The following STMN2 variants were observed in gnomAD, a reference collection of about 807,000 sequenced individuals.
STMN2 encodes the protein stathmin 2.
STMN2 carries 2 observed loss-of-function variants against 24.1 expected under a neutral mutation model. That is an observed-to-expected ratio of 0.08 (90% CI 0.03 to 0.26). STMN2 has a LOEUF of 0.26. Among genes scored for constraint, STMN2 ranks in the 10% least tolerant of loss-of-function variants. The probability of loss-of-function intolerance (pLI) is 1.00; values close to 1 mark genes in which losing one functional copy is unlikely to be tolerated. For missense variants in STMN2, 114 were observed against 213.6 expected, an observed-to-expected ratio of 0.53 and a Z score of 2.91; for synonymous variants, 83 against 77.5, an observed-to-expected ratio of 1.07 and a Z score of -0.37.
At chr8:79,636,240 A>G (rs1425642530) in intron 1 of STMN2, among the ~76,000 whole-genome samples, 1 of 152,172 alleles carries the variant, frequency 6.6e-6, no homozygotes, top group African/African-American at 2.4e-5. Flanking sequence ...AGAAAAAAGA[A>G]AAGATGGACA....
chr8:79,619,611 G>A (rs1439876215), intron 1 of STMN2, among the ~76,000 whole-genome samples: 3 of 152,046 alleles, frequency 2.0e-5, no homozygotes, highest in South Asian at 2.1e-4. Context: ...ATCATCTCAG[G>A]CACTTTTAGG....
intron 1 of STMN2, among the ~76,000 whole-genome samples, chr8:79,624,466 AAAAAAAAAAAAAG>A (rs1438646928): frequency 6.7e-6 from 1 of 150,114 alleles, no homozygotes; most frequent in Non-Finnish European, 1.5e-5. Flanking sequence ...AAAAAAAAAA[AAAAAAAAAAAAAG>A]AAAGAAAGAA....
chr8:79,641,651 C>CACAT (rs1190804842), intron 3 of STMN2, 101 bp downstream of exon 3: 8 of 781,162 alleles, frequency 1.0e-5, no homozygotes, highest in Non-Finnish European at 1.6e-5. Flanking sequence ...CACACACACA[C>CACAT]ACACACACAC....
In STMN2 at chr8:79,613,428, T is replaced by C. The variant is rs969383419; in HGVS notation, c.19+2214T>C. 6.1e-6 allele frequency: 6 copies of C among 985,214 alleles called. No individual in the cohort carries two copies. The African/African-American group carries it at 1.0e-4, about 17-fold the overall frequency. The allele number at this position is 985,214 out of a possible 1,614,324, so 61.0% of individuals were successfully genotyped here. A position where few individuals can be genotyped will look rare whatever the true frequency, so the allele number is the denominator to read the frequency against. On this transcript the variant is annotated intron_variant, in intron 1 of 4. Coordinates refer to ENST00000220876, the MANE Select transcript of STMN2 (RefSeq NM_007029.4). Reference sequence around the variant, plus strand: ...CCCGCGGTGCAGCCGGGGAGACCGGTTTCTGCGCAGTGTCCTGAGCTACCC... The same window carrying C: ...CCCGCGGTGCAGCCGGGGAGACCGGCTTCTGCGCAGTGTCCTGAGCTACCC...
At chr8:79,616,817 T>G (rs1249430782) in intron 1 of STMN2, among the ~76,000 whole-genome samples, 1 of 152,190 alleles carries the variant, frequency 6.6e-6, no homozygotes, top group Non-Finnish European at 1.5e-5. Flanking sequence ...ATATTCATAT[T>G]GCAGGACTCG....
chr8:79,619,128 ATTC>A (rs1280031094), intron 1 of STMN2, among the ~76,000 whole-genome samples: 1 of 151,986 alleles, frequency 6.6e-6, no homozygotes. Flanking sequence ...TTTAGCAGTT[ATTC>A]TTCTGGAATA....
chr8:79,624,002 T>C (rs73254015), intron 1 of STMN2, among the ~76,000 whole-genome samples: 17 of 152,304 alleles, frequency 1.1e-4, no homozygotes, highest in African/African-American at 4.1e-4. Flanking sequence ...GTTTTTCTAA[T>C]TTCAGGAACA....
chr8:79,648,479 C>T (rs1232362377), intron 3 of STMN2, among the ~76,000 whole-genome samples: 3 of 85,350 alleles, frequency 3.5e-5, no homozygotes, highest in Non-Finnish European at 6.6e-5. Context: ...TTTTTTGAGA[C>T]GGAGTCTCGC....
intron 3 of STMN2, 75 bp downstream of exon 3, chr8:79,641,625 C>G (rs1334192781): frequency 1.7e-5 from 13 of 745,854 alleles, no homozygotes; most frequent in Non-Finnish European, 2.7e-5. Context: ...GGCACACATG[C>G]ACGCACACAC....
At chr8:79,619,690 C>G (rs912621581) in intron 1 of STMN2, among the ~76,000 whole-genome samples, 3 of 152,084 alleles carry the variant, frequency 2.0e-5, no homozygotes, top group African/African-American at 4.8e-5. Context: ...TGCAGAGTTA[C>G]TTTTTATTTC....
chr8:79,632,510 C>G (rs76657520), intron 1 of STMN2, among the ~76,000 whole-genome samples: 6,725 of 152,220 alleles, frequency 0.044, 288 homozygotes, highest in East Asian at 0.23. Context: ...TGGGCCTCGT[C>G]AGCAGAGCCG....
chr8:79,629,271 T>A (rs958581407), intron 1 of STMN2, among the ~76,000 whole-genome samples: 1 of 152,162 alleles, frequency 6.6e-6, no homozygotes, highest in Admixed American at 6.5e-5. Context: ...ATACAGTATA[T>A]TTTATATTTT....
intron 4 of STMN2, among the ~76,000 whole-genome samples, chr8:79,658,874 G>T (rs1190999111): frequency 2.6e-5 from 4 of 152,208 alleles, no homozygotes; most frequent in Admixed American, 6.5e-5. Flanking sequence ...AGCAGCCCTG[G>T]CTGCACTTCG....
At chr8:79,663,721 C>T in intron 4 of STMN2, 1 of 1,301,540 alleles carries the variant, frequency 7.7e-7, no homozygotes. Flanking sequence ...CTTAAAATTT[C>T]AATTCAATGA....
At chr8:79,618,143 A>G (rs144985009) in intron 1 of STMN2, among the ~76,000 whole-genome samples, 11 of 152,364 alleles carry the variant, frequency 7.2e-5, no homozygotes, top group African/African-American at 2.4e-4. Flanking sequence ...TAAACAGACC[A>G]GAGATGGTCT....
chr8:79,641,002 T>C (rs2029820), intron 2 of STMN2, among the ~76,000 whole-genome samples: 52,935 of 152,084 alleles, frequency 0.35, 9,357 homozygotes, highest in South Asian at 0.41. Context: ...GCTACGATAA[T>C]TTCCAAACAA....
In STMN2 at chr8:79,613,389, G is replaced by T. The variant is rs571057188; in HGVS notation, c.19+2175G>T. 58 of 985,432 alleles carry T rather than the reference G, an allele frequency of 5.9e-5. 2 individuals are homozygous for T. The South Asian group carries it at 2.3e-3, about 39-fold the overall frequency. 61.0% of individuals were successfully genotyped at this position (985,432 alleles called of 1,614,324 possible). A position where few individuals can be genotyped will look rare whatever the true frequency, so the allele number is the denominator to read the frequency against. On this transcript the variant is annotated intron_variant, in intron 1 of 4. Coordinates refer to ENST00000220876, the MANE Select transcript of STMN2 (RefSeq NM_007029.4). Reference sequence around the variant, plus strand: ...CGCGCCCTGCGCTCCCCTCCCCGGAGTTGGGCGCTCGCCCCCGCGGTGCAG... The same window carrying T: ...CGCGCCCTGCGCTCCCCTCCCCGGATTTGGGCGCTCGCCCCCGCGGTGCAG...
At position 79,613,626 on chromosome 8, in the gene STMN2, A is replaced by G. The variant is rs1676172964; in HGVS notation, c.19+2412A>G. The stretch of plus-strand genomic sequence containing the variant: ...ATTATCATTTCAAATCGTTGTTATT[A>G]TTTAATGATTCAGTAGCCTTGTTTG... On this transcript the variant is annotated intron_variant, in intron 1 of 4. Coordinates refer to ENST00000220876, the MANE Select transcript of STMN2 (RefSeq NM_007029.4). 3 of 985,458 alleles carry G rather than the reference A, an allele frequency of 3.0e-6. No individual in the cohort carries two copies. In the South Asian group the frequency reaches 1.4e-4, roughly 46 times the overall value. The allele number at this position is 985,458 out of a possible 1,614,324, so 61.0% of individuals were successfully genotyped here.
At chr8:79,612,931 AC>A (rs1242116759) in intron 1 of STMN2, among the ~76,000 whole-genome samples, 1 of 151,576 alleles carries the variant, frequency 6.6e-6, no homozygotes, top group African/African-American at 2.4e-5. Flanking sequence ...ATGTGCGCAG[AC>A]CCCCGGCGTG....
Sources: gnomAD v4.1 joint callset for allele counts (sites outside exome capture counted in the v4.1 genomes callset) on GRCh38, gnomAD v4.1.1 for gene constraint, MANE v1.5 for transcripts, NCBI Gene and HGNC (gene_info 2026-07-23, HGNC 2026-07-21) for gene names.